MTMR3: variants seen among roughly 807,000 people sequenced by gnomAD.
MTMR3 encodes phosphatidylinositol-3,5-bisphosphate 3-phosphatase MTMR3.
Under a neutral mutation model 132.4 loss-of-function variants are expected in MTMR3, and 32 were observed. The ratio of observed to expected loss-of-function variants is 0.24; its 90% CI spans 0.18 to 0.32. The LOEUF (loss-of-function observed/expected upper bound fraction) is 0.32, where lower values mean the gene tolerates loss of function less well. Among genes scored for constraint, MTMR3 ranks in the 10% least tolerant of loss-of-function variants. MTMR3 has a pLI of 1.00. For synonymous variants in MTMR3, 556 were observed against 550.3 expected (o/e 1.01, Z -0.14); for missense variants, 1,216 against 1,489.6 (o/e 0.82, Z 3.02).
At chr22:29,949,816 T>G (rs1308971318) in intron 1 of MTMR3, among the ~76,000 whole-genome samples, 6 of 152,098 alleles carry the variant, frequency 3.9e-5, no homozygotes, top group Admixed American at 3.9e-4. Flanking sequence ...TATGTATGTT[T>G]AAGAGGGGCA....
chr22:29,944,514 A>G (rs1261446243), intron 1 of MTMR3, among the ~76,000 whole-genome samples: 7 of 152,188 alleles, frequency 4.6e-5, no homozygotes, highest in Admixed American at 4.6e-4. Flanking sequence ...GTAGATAGAG[A>G]TCAAATTGAG....
intron 2 of MTMR3, among the ~76,000 whole-genome samples, chr22:29,962,285 C>T (rs1249888404): frequency 6.6e-6 from 1 of 152,054 alleles, no homozygotes; most frequent in East Asian, 1.9e-4. Context: ...TACAATTCAC[C>T]CATTTAAAGT....
chr22:29,940,303 C>A (rs577846371), intron 1 of MTMR3, among the ~76,000 whole-genome samples: 1 of 152,202 alleles, frequency 6.6e-6, no homozygotes, highest in Non-Finnish European at 1.5e-5. Flanking sequence ...ATTCTCCCTG[C>A]GCTTGAGAAT....
At chr22:29,944,064 C>A (rs2065908839) in intron 1 of MTMR3, among the ~76,000 whole-genome samples, 1 of 151,906 alleles carries the variant, frequency 6.6e-6, no homozygotes, top group African/African-American at 2.4e-5. Context: ...GGTGATCCTC[C>A]CGCCTTGGCA....
chr22:29,884,589 ATCTC>A (rs1313655498), intron 1 of MTMR3, among the ~76,000 whole-genome samples: 35 of 119,812 alleles, frequency 2.9e-4, no homozygotes, highest in Non-Finnish European at 5.1e-4. Flanking sequence ...TTAAGACAGA[ATCTC>A]TCTCTCCCGC....
intron 10 of MTMR3, 86 bp from the exon 11 acceptor site, chr22:30,007,815 C>A: frequency 6.7e-7 from 1 of 1,482,966 alleles, no homozygotes; most frequent in Non-Finnish European, 9.1e-7. Context: ...CTTTTTTGTG[C>A]CATAAGATGT....
chr22:29,957,433 A>C (rs2066220628), intron 2 of MTMR3, among the ~76,000 whole-genome samples: 1 of 76,170 alleles, frequency 1.3e-5, no homozygotes, highest in South Asian at 2.9e-4. Context: ...TTATTTATTT[A>C]TTTATTTATT....
intron 1 of MTMR3, among the ~76,000 whole-genome samples, chr22:29,932,032 G>A (rs2065657385): frequency 6.6e-6 from 1 of 152,078 alleles, no homozygotes; most frequent in South Asian, 2.1e-4. Flanking sequence ...ATACACTAAT[G>A]TTGATCAGGA....
chr22:29,894,886 T>C (rs2064863720), intron 1 of MTMR3, among the ~76,000 whole-genome samples: 2 of 152,112 alleles, frequency 1.3e-5, no homozygotes, highest in Non-Finnish European at 2.9e-5. Flanking sequence ...GTTAAGACAT[T>C]TGTTATTATC....
chr22:30,022,252 A>G (rs1378179453), intron 18 of MTMR3, 113 bp downstream of exon 18: 3 of 793,362 alleles, frequency 3.8e-6, no homozygotes, highest in African/African-American at 1.7e-5. Flanking sequence ...CAGCACAGCT[A>G]GCCCTGAGCC....
Position 29,971,043 on chromosome 22 carries a change from A to C in MTMR3, c.-17A>C, listed in dbSNP as rs1215319485. On this transcript the variant is annotated 5_prime_UTR_variant, in exon 3 of 20. Coordinates refer to ENST00000401950, the MANE Select transcript of MTMR3 (RefSeq NM_021090.4). ...AGAAGGGACGGGGATTTCTCCTCCT[A>C]ATCTGGGCCTCTTGTCATGGTAAGT... 3 of 1,590,078 alleles carry C rather than the reference A, an allele frequency of 1.9e-6. No individual in the cohort carries two copies. The highest frequency in any genetic ancestry group is 2.6e-6 in the Non-Finnish European group (3 of 1,171,578).
At chr22:29,991,795 C>T (rs1474559138) in intron 7 of MTMR3, 125 bp downstream of exon 7, 2 of 993,846 alleles carry the variant, frequency 2.0e-6, no homozygotes, top group Non-Finnish European at 2.8e-6. Flanking sequence ...AAGGAGCACC[C>T]AGCAAGTGCG....
intron 19 of MTMR3, chr22:30,024,855 C>G (rs1431500878): frequency 6.6e-6 from 1 of 152,586 alleles, no homozygotes; most frequent in African/African-American, 2.4e-5. Context: ...ACAGATGCCT[C>G]AGAACCCAGC....
chr22:29,976,280 T>G (rs2066627871), intron 3 of MTMR3, among the ~76,000 whole-genome samples: 1 of 152,166 alleles, frequency 6.6e-6, no homozygotes, highest in Non-Finnish European at 1.5e-5. Context: ...TACTATCTTT[T>G]GTTGTTACTG....
intron 2 of MTMR3, among the ~76,000 whole-genome samples, chr22:29,965,615 G>A (rs1169316616): frequency 1.3e-5 from 2 of 152,204 alleles, no homozygotes. Flanking sequence ...AATCCGGGAG[G>A]CAGAGGTTGC....
At chr22:29,945,376 G>A (rs1418940804) in intron 1 of MTMR3, among the ~76,000 whole-genome samples, 1 of 152,152 alleles carries the variant, frequency 6.6e-6, no homozygotes, top group South Asian at 2.1e-4. Context: ...AAATGGCACA[G>A]TGAACTCTGC....
chr22:29,887,656 C>T (rs1407731454), intron 1 of MTMR3, among the ~76,000 whole-genome samples: 3 of 152,146 alleles, frequency 2.0e-5, no homozygotes, highest in Non-Finnish European at 4.4e-5. Context: ...GCCAAGGTCT[C>T]TACTTGGAAT....
At chr22:29,925,496 T>G (rs1339733956) in intron 1 of MTMR3, among the ~76,000 whole-genome samples, 6 of 151,810 alleles carry the variant, frequency 4.0e-5, no homozygotes, top group Non-Finnish European at 7.4e-5. Context: ...AATTTCATTT[T>G]AAAAAGAAGG....
intron 2 of MTMR3, among the ~76,000 whole-genome samples, chr22:29,961,399 A>G (rs1264242761): frequency 6.6e-6 from 1 of 152,182 alleles, no homozygotes; most frequent in Non-Finnish European, 1.5e-5. Context: ...CCATATGTAT[A>G]TACTGACATA....
Sources: allele counts gnomAD v4.1 joint callset (sites outside exome capture counted in the v4.1 genomes callset), GRCh38; gene constraint gnomAD v4.1.1; transcripts MANE v1.5; gene names NCBI Gene and HGNC (gene_info 2026-07-23, HGNC 2026-07-21).